The following FSTL4 variants were observed in gnomAD, a reference collection of about 807,000 sequenced individuals.
FSTL4 encodes follistatin-related protein 4.
A neutral mutation model predicts 78.2 loss-of-function variants in FSTL4; 28 were observed. The observed-to-expected ratio is 0.36, with a 90% CI of 0.27 to 0.49. FSTL4 has a LOEUF of 0.49. FSTL4 is among the 20% of genes least tolerant of loss of function. The pLI, the probability that FSTL4 is intolerant of heterozygous loss-of-function variation, is 0.98. For missense variants in FSTL4, 922 were observed against 1,084.9 expected (o/e 0.85, Z 2.11); for synonymous variants, 422 against 440.5 (o/e 0.96, Z 0.53).
At chr5:133,421,921 C>T (rs1208974527) in intron 3 of FSTL4, among the ~76,000 whole-genome samples, 2 of 152,044 alleles carry the variant, frequency 1.3e-5, no homozygotes, top group Admixed American at 6.6e-5. Context: ...TGATAAGTAC[C>T]ATGAAGAAAA....
At chr5:133,240,138 G>GT (rs1561637670) in intron 7 of FSTL4, among the ~76,000 whole-genome samples, 1 of 152,158 alleles carries the variant, frequency 6.6e-6, no homozygotes, top group African/African-American at 2.4e-5. Flanking sequence ...TGAAGCCAGC[G>GT]AGACCACGAA....
At chr5:133,491,245 AT>A (rs1245955152) in intron 3 of FSTL4, among the ~76,000 whole-genome samples, 2 of 152,164 alleles carry the variant, frequency 1.3e-5, no homozygotes, top group African/African-American at 4.8e-5. Context: ...TAGGCTTTGC[AT>A]TATGTCTGTT....
chr5:133,316,616 T>C lies in FSTL4; in HGVS notation c.446A>G (p.Lys149Arg). The C allele has an allele frequency of 6.2e-7, 1 of 1,613,942 alleles. No individual in the cohort carries two copies. Among genetic ancestry groups the C allele is most frequent in the African/African-American group, 1.3e-5 (1 of 75,034 alleles). ...GGTCTGGAGTGCCAGAAGGACATTCTTCAAGCGGGCGTAGCCGGCCATGGT... is the reference window on the plus strand; with the variant it reads ...GGTCTGGAGTGCCAGAAGGACATTCCTCAAGCGGGCGTAGCCGGCCATGGT... ...TCTMAGYARL[K>R]NVLLALQTRL... The change falls in exon 5 of 16, where the codon AAG becomes AGG. Residue 149 changes from lysine (K) to arginine (R), a missense_variant. Lys to Arg is a conservative substitution (Grantham distance 26). Coordinates refer to ENST00000265342, the MANE Select transcript of FSTL4 (RefSeq NM_015082.2).
chr5:133,199,154 G>A lies in FSTL4; in HGVS notation c.2470C>T (p.Arg824Trp), dbSNP rs150466282. 1,062 of 1,601,300 alleles carry A rather than the reference G, an allele frequency of 6.6e-4. No homozygotes were observed. Among genetic ancestry groups the A allele is most frequent in the Non-Finnish European group, 8.5e-4 (994 of 1,171,508 alleles). Residue 824 changes from arginine (R) to tryptophan (W), a missense_variant, in exon 16 of 16, where the codon CGG becomes TGG. Transcript: ENST00000265342. The surrounding 1 kb of genome is among the most constrained non-coding windows in gnomAD (Gnocchi z 4.4). The stretch of plus-strand genomic sequence containing the variant: ...CCCTTTATACCTGACACCTCACACC[G>A]CAGCGTGTTTTGTCTCCCATTGATG... Reference protein sequence around the residue: ...FLINGRQNTLRCEVSGIKGGT... With the variant: ...FLINGRQNTLWCEVSGIKGGT...
the FSTL4 span, among the ~76,000 whole-genome samples, chr5:133,686,659 C>T: frequency 1.3e-4 from 20 of 152,208 alleles, no homozygotes; most frequent in Admixed American, 1.3e-4. Flanking sequence ...GAGGTATTAT[C>T]ATCCCCATTT....
the FSTL4 span, among the ~76,000 whole-genome samples, chr5:133,820,598 C>A: frequency 6.6e-6 from 1 of 152,188 alleles, no homozygotes; most frequent in South Asian, 2.1e-4. Context: ...ATCCTCTGTA[C>A]AACAGAGAGA....
chr5:133,802,440 G>A, the FSTL4 span, among the ~76,000 whole-genome samples: 7 of 152,216 alleles, frequency 4.6e-5, no homozygotes, highest in Admixed American at 4.6e-4. Flanking sequence ...ATAAGCTCAT[G>A]GCAAATACAA....
chr5:133,470,548 C>T (rs1475715705), intron 3 of FSTL4, among the ~76,000 whole-genome samples: 2 of 152,002 alleles, frequency 1.3e-5, no homozygotes, highest in Non-Finnish European at 2.9e-5. Flanking sequence ...AGTTTGAGAC[C>T]AGCCTGGCCA....
In FSTL4 at chr5:133,199,058, G is replaced by A; in HGVS notation, c.*37C>T. The A allele has an allele frequency of 1.5e-6, 2 of 1,301,752 alleles. No individual in the cohort carries two copies. The highest frequency in any genetic ancestry group is 1.1e-6 in the Non-Finnish European group (1 of 942,632). The allele number at this position is 1,301,752 out of a possible 1,614,324, so 80.6% of individuals were successfully genotyped here. A position where few individuals can be genotyped will look rare whatever the true frequency, so the allele number is the denominator to read the frequency against. On this transcript the variant is annotated 3_prime_UTR_variant, in exon 16 of 16. Transcript: ENST00000265342. The surrounding 1 kb of genome is among the most constrained non-coding windows in gnomAD (Gnocchi z 4.4). ...CTTGAGGCTGCAGTGTCAGGACTAGGGGGTGTTCCTTGGCCCAGGGCTCTG... is the reference window on the plus strand; with the variant it reads ...CTTGAGGCTGCAGTGTCAGGACTAGAGGGTGTTCCTTGGCCCAGGGCTCTG...
chr5:133,573,016 A>G (rs1042559317), intron 2 of FSTL4, among the ~76,000 whole-genome samples: 8 of 152,122 alleles, frequency 5.3e-5, no homozygotes, highest in Non-Finnish European at 8.8e-5. Context: ...AGGCTGAGGC[A>G]GGTGGATCAC....
intron 3 of FSTL4, among the ~76,000 whole-genome samples, chr5:133,566,845 T>C (rs1760037310): frequency 6.6e-6 from 1 of 152,256 alleles, no homozygotes; most frequent in Non-Finnish European, 1.5e-5. Flanking sequence ...ATTTTTTGTG[T>C]TGTTCACGTT....
At chr5:133,540,714 C>T (rs898234855) in intron 3 of FSTL4, among the ~76,000 whole-genome samples, 4 of 34,318 alleles carry the variant, frequency 1.2e-4, no homozygotes, top group African/African-American at 6.2e-4. Flanking sequence ...CATGTTTTAA[C>T]ATAGGCAAAA....
chr5:133,710,466 T>G, the FSTL4 span, among the ~76,000 whole-genome samples: 1 of 152,210 alleles, frequency 6.6e-6, no homozygotes, highest in Non-Finnish European at 1.5e-5. Flanking sequence ...GGATGATAAC[T>G]GGGATGAGTG....
intron 2 of FSTL4, among the ~76,000 whole-genome samples, chr5:133,595,119 A>T (rs1172587019): frequency 6.6e-6 from 1 of 152,206 alleles, no homozygotes; most frequent in Non-Finnish European, 1.5e-5. Context: ...CCTGCCAGTG[A>T]TGCTGGCCTC....
At chr5:133,306,724 T>C (rs1042676006) in intron 6 of FSTL4, among the ~76,000 whole-genome samples, 1 of 152,198 alleles carries the variant, frequency 6.6e-6, no homozygotes, top group Non-Finnish European at 1.5e-5. Context: ...CCTTGCCCGA[T>C]GTATTTCTCC....
At chr5:133,588,934 C>T (rs1205165075) in intron 2 of FSTL4, among the ~76,000 whole-genome samples, 1 of 1,102 alleles carries the variant, frequency 9.1e-4, no homozygotes, top group African/African-American at 3.6e-3. Flanking sequence ...GGCACATATA[C>T]ACCATGGAAT....
At chr5:133,632,196 G>C in the FSTL4 span, among the ~76,000 whole-genome samples, 1 of 152,056 alleles carries the variant, frequency 6.6e-6, no homozygotes, top group African/African-American at 2.4e-5. Flanking sequence ...AGTCTTACTA[G>C]TTTTATAATT....
At chr5:133,366,400 A>G (rs1387354938) in intron 4 of FSTL4, among the ~76,000 whole-genome samples, 1 of 152,092 alleles carries the variant, frequency 6.6e-6, no homozygotes, top group Non-Finnish European at 1.5e-5. Flanking sequence ...TCTCTATTCA[A>G]ATGTGAGCAG....
chr5:133,421,324 A>C (rs1425396346), intron 3 of FSTL4, among the ~76,000 whole-genome samples: 1 of 152,204 alleles, frequency 6.6e-6, no homozygotes, highest in Non-Finnish European at 1.5e-5. Flanking sequence ...CTGTCTGTAG[A>C]GGGTTGGGCA....
Sources: allele counts gnomAD v4.1 joint callset (sites outside exome capture counted in the v4.1 genomes callset), GRCh38; gene constraint gnomAD v4.1.1; non-coding constraint Gnocchi (gnomAD v3.1); transcripts MANE v1.5; gene names NCBI Gene and HGNC (gene_info 2026-07-23, HGNC 2026-07-21).